VTCN1: variants seen among roughly 807,000 people sequenced by gnomAD.
VTCN1 encodes the protein V-set domain-containing T-cell activation inhibitor 1.
A neutral mutation model predicts 26.5 loss-of-function variants in VTCN1; 26 were observed. The observed-to-expected ratio is 0.98, with a 90% CI of 0.72 to 1.36. VTCN1 has a LOEUF of 1.36. VTCN1 is among the 40% of genes most tolerant of loss of function. The probability of loss-of-function intolerance (pLI) is 0.00; values close to 1 mark genes in which losing one functional copy is unlikely to be tolerated. For missense variants in VTCN1, 298 were observed against 337.7 expected, an observed-to-expected ratio of 0.88 and a Z score of 0.92; for synonymous variants, 116 against 130.7, an observed-to-expected ratio of 0.89 and a Z score of 0.77.
At chr1:117,193,367 T>A (rs1648344438) in intron 1 of VTCN1, among the ~76,000 whole-genome samples, 1 of 152,182 alleles carries the variant, frequency 6.6e-6, no homozygotes, top group Admixed American at 6.5e-5. Flanking sequence ...AAATTCATTT[T>A]ACCCTTAGGA....
chr1:117,188,285 G>A (rs1308225337), intron 1 of VTCN1, among the ~76,000 whole-genome samples: 2 of 152,164 alleles, frequency 1.3e-5, no homozygotes, highest in Non-Finnish European at 2.9e-5. Flanking sequence ...AGCTGCGAGA[G>A]TCACCACTCT....
intron 1 of VTCN1, 125 bp from the exon 2 acceptor site, chr1:117,170,296 C>A (rs766661494): frequency 4.7e-5 from 43 of 922,154 alleles, no homozygotes; most frequent in Non-Finnish European, 7.0e-5. Context: ...CTTTTTCTTC[C>A]ACATAAGCTT....
rs1432226270 is a variant in VTCN1 at position 117,175,435 on chromosome 1, C to A, written c.33-5264G>T. 6.6e-6 allele frequency among the ~76,000 whole-genome samples: 1 copy of A among 152,172 alleles called. No individual in the cohort carries two copies. Among genetic ancestry groups the A allele is most frequent in the Non-Finnish European group, 1.5e-5 (1 of 68,026 alleles). ...AAGCGGATGTGCAGCCTAGGACACG[C>A]AAGGGTAGGATGTACTTCTCTGGAG... On this transcript the variant is annotated intron_variant, in intron 1 of 5. Transcript: ENST00000369458. This position sits in a 1 kb window ranked among gnomAD's most constrained non-coding sequence, Gnocchi z 4.2.
chr1:117,210,183 A>G (rs557929693), intron 1 of VTCN1, among the ~76,000 whole-genome samples: 1 of 151,740 alleles, frequency 6.6e-6, no homozygotes, highest in African/African-American at 2.4e-5. Context: ...AGGGGAGGGA[A>G]CTTGCTTCCT....
rs537147647 is a variant in VTCN1, at chr1:117,173,825, A to T, written c.33-3654T>A. 5.9e-5 allele frequency among the ~76,000 whole-genome samples: 9 copies of T among 152,346 alleles called. No individual in the cohort carries two copies. In the South Asian group the frequency reaches 1.9e-3, roughly 32 times the overall value. ...AGATACCTGGGCCCTTGCCAAGAAG[A>T]GGGGGGACAATGGAAGTTGTGCATT... On this transcript the variant is annotated intron_variant, in intron 1 of 5. Transcript: ENST00000369458.
Position 117,155,195 on chromosome 1 carries a change from G to A in VTCN1, c.445+1379C>T, listed in dbSNP as rs1489136723. 1.3e-5 allele frequency among the ~76,000 whole-genome samples: 2 copies of A among 152,162 alleles called. No individual in the cohort carries two copies. Among genetic ancestry groups the A allele is most frequent in the African/African-American group, 4.8e-5 (2 of 41,422 alleles). Reference sequence around the variant, plus strand: ...TGAGGTTACAGGTTTTAGAGAGGAAGAGCACAGGAGGTAAAGTGCCCTTCC... The same window carrying A: ...TGAGGTTACAGGTTTTAGAGAGGAAAAGCACAGGAGGTAAAGTGCCCTTCC... On this transcript the variant is annotated intron_variant, in intron 3 of 5. Coordinates refer to ENST00000369458, the MANE Select transcript of VTCN1 (RefSeq NM_024626.4). The surrounding 1 kb of genome is among the most constrained non-coding windows in gnomAD (Gnocchi z 4.8).
chr1:117,152,507 G>A (rs975240461), intron 4 of VTCN1, among the ~76,000 whole-genome samples: 18 of 152,106 alleles, frequency 1.2e-4, no homozygotes, highest in African/African-American at 4.1e-4. Flanking sequence ...TAGGGTGCTG[G>A]GTCTTCTCAG....
chr1:117,170,012 C>A, intron 2 of VTCN1, 95 bp downstream of exon 2: 1 of 1,233,648 alleles, frequency 8.1e-7, no homozygotes, highest in South Asian at 1.2e-5. Context: ...TTTTCTGGGT[C>A]AAAGCTCTGG....
At chr1:117,170,009 G>T in intron 2 of VTCN1, 98 bp downstream of exon 2, 1 of 1,175,654 alleles carries the variant, frequency 8.5e-7, no homozygotes. Flanking sequence ...AGGTTTTCTG[G>T]GTCAAAGCTC....
intron 1 of VTCN1, among the ~76,000 whole-genome samples, chr1:117,206,301 G>A (rs911751681): frequency 1.3e-5 from 2 of 152,098 alleles, no homozygotes; most frequent in Non-Finnish European, 2.9e-5. Flanking sequence ...AAGTGCCAGT[G>A]GAGTCGTGAA....
chr1:117,170,598 T>G (rs1652858657), intron 1 of VTCN1, among the ~76,000 whole-genome samples: 1 of 152,210 alleles, frequency 6.6e-6, no homozygotes, highest in Non-Finnish European at 1.5e-5. Context: ...TTCCATAGAC[T>G]TTAAACTCCA....
Position 117,192,404 on chromosome 1 carries a change from C to G in VTCN1, c.32+18420G>C, listed in dbSNP as rs551746124. ...ATGAGAGATGCTAAAGAAGGTTTCT[C>G]AAGTTGAAATTAAAGGATGCTAAGT... On this transcript the variant is annotated intron_variant, in intron 1 of 5. Coordinates refer to ENST00000369458, the MANE Select transcript of VTCN1 (RefSeq NM_024626.4). Among the ~76,000 whole-genome samples the G allele has an allele frequency of 2.6e-5, 4 of 152,106 alleles. No homozygotes were observed. In the South Asian group the frequency reaches 8.3e-4, roughly 32 times the overall value.
At chr1:117,195,325 G>A (rs1056746738) in intron 1 of VTCN1, among the ~76,000 whole-genome samples, 8 of 150,922 alleles carry the variant, frequency 5.3e-5, no homozygotes, top group Non-Finnish European at 1.0e-4. Context: ...CTTGAAATTT[G>A]CTAACAGAGC....
At chr1:117,203,338 TGAG>T (rs1323673370) in intron 1 of VTCN1, among the ~76,000 whole-genome samples, 1 of 151,918 alleles carries the variant, frequency 6.6e-6, no homozygotes, top group African/African-American at 2.4e-5. Flanking sequence ...GAAAACACAA[TGAG>T]GAGGTGAGGC....
At position 117,203,583 on chromosome 1, in the gene VTCN1, C is replaced by T. The variant is rs189558443; in HGVS notation, c.32+7241G>A. 1.6e-4 allele frequency: 160 copies of T among 984,398 alleles called. No individual in the cohort carries two copies. In the African/African-American group the frequency reaches 2.2e-3, roughly 13 times the overall value. The allele number at this position is 984,398 out of a possible 1,614,324, so 61.0% of individuals were successfully genotyped here. A position where few individuals can be genotyped will look rare whatever the true frequency, so the allele number is the denominator to read the frequency against. On this transcript the variant is annotated intron_variant, in intron 1 of 5. Transcript: ENST00000369458. Reference sequence around the variant, plus strand: ...GCAGATGGTTTGGGATTGTGAAAAGCGCACACAGAGAGAAATGTAGCCTGG... The same window carrying T: ...GCAGATGGTTTGGGATTGTGAAAAGTGCACACAGAGAGAAATGTAGCCTGG...
chr1:117,181,740 G>A (rs1647680751), intron 1 of VTCN1, among the ~76,000 whole-genome samples: 1 of 152,158 alleles, frequency 6.6e-6, no homozygotes, highest in African/African-American at 2.4e-5. Flanking sequence ...CTGGGAGGGG[G>A]AACTAGGCCC....
intron 1 of VTCN1, among the ~76,000 whole-genome samples, chr1:117,203,267 G>A (rs1648877879): frequency 6.6e-6 from 1 of 152,006 alleles, no homozygotes; most frequent in African/African-American, 2.4e-5. Flanking sequence ...GATGGGGGTT[G>A]TAAGAGGATT....
At chr1:117,205,005 T>C (rs1648968541) in intron 1 of VTCN1, among the ~76,000 whole-genome samples, 1 of 151,424 alleles carries the variant, frequency 6.6e-6, no homozygotes. Flanking sequence ...TGAAAGCATA[T>C]ATATATGCGT....
At chr1:117,148,637 T>C (rs1651638112) in intron 4 of VTCN1, among the ~76,000 whole-genome samples, 1 of 152,198 alleles carries the variant, frequency 6.6e-6, no homozygotes, top group Non-Finnish European at 1.5e-5. Flanking sequence ...AACATAATTA[T>C]TCAGTAAATA....
Sources: gnomAD v4.1 joint callset for allele counts (sites outside exome capture counted in the v4.1 genomes callset) on GRCh38, gnomAD v4.1.1 for gene constraint, Gnocchi (gnomAD v3.1) non-coding constraint, MANE v1.5 for transcripts, NCBI Gene and HGNC (gene_info 2026-07-23, HGNC 2026-07-21) for gene names.